JUND: variants seen among roughly 807,000 people sequenced by gnomAD.
JUND encodes JunD proto-oncogene, AP-1 transcription factor subunit, also known as transcription factor JunD.
JUND carries 2 observed loss-of-function variants against 7.1 expected under a neutral mutation model. The ratio of observed to expected loss-of-function variants is 0.28; its 90% CI spans 0.11 to 0.88. The LOEUF (loss-of-function observed/expected upper bound fraction) is 0.88, where lower values mean the gene tolerates loss of function less well. Ranked by LOEUF, JUND falls within the 40% of genes least tolerant of loss-of-function variation. The probability of loss-of-function intolerance (pLI) is 0.60; values close to 1 mark genes in which losing one functional copy is unlikely to be tolerated. For missense variants in JUND, 479 were observed against 519.1 expected, an observed-to-expected ratio of 0.92 and a Z score of 0.75; for synonymous variants, 335 against 263.2, an observed-to-expected ratio of 1.27 and a Z score of -2.64.
At position 18,281,583 on chromosome 19, in the gene JUND, C is replaced by A. The variant is rs1969952752; in HGVS notation, c.-99G>T. 8.7e-6 allele frequency: 3 copies of A among 343,256 alleles called. No homozygotes were observed. The highest frequency in any genetic ancestry group is 1.2e-5 in the Non-Finnish European group (3 of 246,034). 21.3% of individuals were successfully genotyped at this position (343,256 alleles called of 1,614,324 possible). ...CGCTCGGCCCTGCGCCCGCCCCGGCCGCGGCCGCAGCGCCCGGCCCTCCAC... is the reference window on the plus strand; with the variant it reads ...CGCTCGGCCCTGCGCCCGCCCCGGCAGCGGCCGCAGCGCCCGGCCCTCCAC... On this transcript the variant is annotated 5_prime_UTR_variant, in exon 1 of 1. Coordinates refer to ENST00000252818, the MANE Select transcript of JUND (RefSeq NM_005354.6).
rs769148343 is a variant in JUND, at chr19:18,280,453, C to A, written c.1032G>T (p.Val344=). 79 of 1,558,558 alleles carry A rather than the reference C, an allele frequency of 5.1e-5. No homozygotes were observed. The highest frequency in any genetic ancestry group is 2.1e-4 in the Admixed American group (11 of 51,860). ...CCCGCGCGCGGACTCAGTACGCGGGCACCTGGTGCTGGGGCAGCAGCTGGC... is the reference window on the plus strand; with the variant it reads ...CCCGCGCGCGGACTCAGTACGCGGGAACCTGGTGCTGGGGCAGCAGCTGGC... The part of the protein sequence containing the change: ...SGCQLLPQHQ[V]PAY The change falls in exon 1 of 1, where the codon GTG becomes GTT. Residue 344 remains valine (V), a synonymous_variant. Coordinates refer to ENST00000252818, the MANE Select transcript of JUND (RefSeq NM_005354.6). This position sits in a 1 kb window ranked among gnomAD's most constrained non-coding sequence, Gnocchi z 4.1.
rs200632422 is a variant in JUND at position 18,280,059 on chromosome 19, A to AG, written c.*381_*382insC. 1,662 of 242,150 alleles carry AG rather than the reference A, an allele frequency of 6.9e-3. 38 individuals carry two copies. Among genetic ancestry groups the AG allele is most frequent in the African/African-American group, 0.037 (1,556 of 42,008 alleles). The allele number at this position is 242,150 out of a possible 1,614,324, so 15.0% of individuals were successfully genotyped here. ...TGTTCTTCTCTCTTCCAAAGAAAAA[A>AG]AAAAAAAAGTAAAAGTAAAGGAAAG... On this transcript the variant is annotated 3_prime_UTR_variant, in exon 1 of 1. Transcript: ENST00000252818. The surrounding 1 kb of genome is among the most constrained non-coding windows in gnomAD (Gnocchi z 4.1).
In JUND at chr19:18,280,741, G is replaced by A. The variant is rs1203520789; in HGVS notation, c.744C>T (p.Asp248=). The A allele has an allele frequency of 1.9e-6, 3 of 1,607,204 alleles. No individual in the cohort carries two copies. The highest frequency in any genetic ancestry group is 1.3e-5 in the African/African-American group (1 of 74,886). Residue 248 remains aspartate (D), a synonymous_variant, in exon 1 of 1, where the codon GAC becomes GAT. Transcript: ENST00000252818. This position sits in a 1 kb window ranked among gnomAD's most constrained non-coding sequence, Gnocchi z 4.1. ...GCGGGCTCTCGCCGAAGCTCGGCAC[G>A]TCGGGCACCGTCTGTGGCTCGTCCT... ...ALKDEPQTVP[D]VPSFGESPPL...
chr19:18,281,389 G>A lies in JUND; in HGVS notation c.96C>T (p.Phe32=), dbSNP rs1364005267. The change falls in exon 1 of 1, where the codon TTC becomes TTT. Residue 32 remains phenylalanine (F), a synonymous_variant. Coordinates refer to ENST00000252818, the MANE Select transcript of JUND (RefSeq NM_005354.6). ...CCGCGGCCGTCGGGGGCGCCCCGGG[G>A]AACAAGCGGCCCGGGGACGCGAAGC... ...GGSFASPGRL[F]PGAPPTAAAG... The A allele has an allele frequency of 3.0e-6, 4 of 1,347,756 alleles. No homozygotes were observed. Among genetic ancestry groups the A allele is most frequent in the African/African-American group, 1.5e-5 (1 of 64,826 alleles). 83.5% of individuals were successfully genotyped at this position (1,347,756 alleles called of 1,614,324 possible). A position where few individuals can be genotyped will look rare whatever the true frequency, so the allele number is the denominator to read the frequency against.
Position 18,280,277 on chromosome 19 carries a change from G to GCACCCGC in JUND, c.*163_*164insGCGGGTG. 1 of 86,228 alleles carries GCACCCGC rather than the reference G, an allele frequency of 1.2e-5. No individual in the cohort carries two copies. Among genetic ancestry groups the GCACCCGC allele is most frequent in the Non-Finnish European group, 1.8e-5 (1 of 56,518 alleles). 5.3% of individuals were successfully genotyped at this position (86,228 alleles called of 1,614,324 possible). A position where few individuals can be genotyped will look rare whatever the true frequency, so the allele number is the denominator to read the frequency against. ...CTTGTCGAGTCCTGGGCACCCTCGG[G>GCACCCGC]GGGGGGGAATCCCCGGGGGCCGCGC... On this transcript the variant is annotated 3_prime_UTR_variant, in exon 1 of 1. Coordinates refer to ENST00000252818, the MANE Select transcript of JUND (RefSeq NM_005354.6). This position sits in a 1 kb window ranked among gnomAD's most constrained non-coding sequence, Gnocchi z 4.1.
chr19:18,280,256 T>TCGAGTCCGGAGCGCCCCTTC lies in JUND; in HGVS notation c.*184_*185insGAAGGGGCGCTCCGGACTCG. 1 of 539,912 alleles carries TCGAGTCCGGAGCGCCCCTTC rather than the reference T, an allele frequency of 1.9e-6. No individual in the cohort carries two copies. The highest frequency in any genetic ancestry group is 3.2e-6 in the Non-Finnish European group (1 of 311,756). The allele number at this position is 539,912 out of a possible 1,614,324, so 33.4% of individuals were successfully genotyped here. ...CCCCGGGAGCAGGGGGTCCAGCTTGTCGAGTCCTGGGCACCCTCGGGGGGG... is the reference window on the plus strand; with the variant it reads ...CCCCGGGAGCAGGGGGTCCAGCTTGTCGAGTCCGGAGCGCCCCTTCCGAGTCCTGGGCACCCTCGGGGGGG... On this transcript the variant is annotated 3_prime_UTR_variant, in exon 1 of 1. Coordinates refer to ENST00000252818, the MANE Select transcript of JUND (RefSeq NM_005354.6). The surrounding 1 kb of genome is among the most constrained non-coding windows in gnomAD (Gnocchi z 4.1).
Position 18,281,029 on chromosome 19 carries a change from C to A in JUND, c.456G>T (p.Gln152His). 1.4e-6 allele frequency: 2 copies of A among 1,448,556 alleles called. No homozygotes were observed. Among genetic ancestry groups the A allele is most frequent in the Non-Finnish European group, 1.8e-6 (2 of 1,096,528 alleles). The allele number at this position is 1,448,556 out of a possible 1,614,324, so 89.7% of individuals were successfully genotyped here. A position where few individuals can be genotyped will look rare whatever the true frequency, so the allele number is the denominator to read the frequency against. Residue 152 changes from glutamine to histidine, a missense_variant, in exon 1 of 1, where the codon CAG (glutamine) becomes CAT (histidine). Transcript: ENST00000252818. ...CGGCAGCGGCCGCGCCCGCGCCGAGCTGGTTCTGCTTGTGTAAATCCTCCA... is the reference window on the plus strand; with the variant it reads ...CGGCAGCGGCCGCGCCCGCGCCGAGATGGTTCTGCTTGTGTAAATCCTCCA... Reference protein sequence around the residue: ...KALEDLHKQNQLGAGAAAAAA... With the variant: ...KALEDLHKQNHLGAGAAAAAA...
rs779174938 is a variant in JUND at position 18,280,561 on chromosome 19, C to T, written c.924G>A (p.Thr308=). ...EKVKTLKSQN[T]ELASTASLLR... ...GCAGGCTCGCCGTGGACGCCAGCTC[C>T]GTGTTCTGACTCTTGAGGGTCTTCA... is the stretch of plus-strand genomic sequence containing the variant. The change falls in exon 1 of 1, where the codon ACG becomes ACA. Residue 308 remains threonine (T), a synonymous_variant. Coordinates refer to ENST00000252818, the MANE Select transcript of JUND (RefSeq NM_005354.6). The surrounding 1 kb of genome is among the most constrained non-coding windows in gnomAD (Gnocchi z 4.1). 2 of 1,612,796 alleles carry T rather than the reference C, an allele frequency of 1.2e-6. No individual in the cohort carries two copies. Among genetic ancestry groups the T allele is most frequent in the South Asian group, 1.1e-5 (1 of 91,064 alleles).
At position 18,281,096 on chromosome 19, in the gene JUND, G is replaced by C. The variant is rs770851784; in HGVS notation, c.389C>G (p.Ala130Gly). 6.3e-7 allele frequency: 1 copy of C among 1,580,066 alleles called. No individual in the cohort carries two copies. The highest frequency in any genetic ancestry group is 8.6e-7 in the Non-Finnish European group (1 of 1,167,924). Residue 130 changes from alanine to glycine, a missense_variant, in exon 1 of 1, where the codon GCC becomes GGC. Transcript: ENST00000252818. Reference protein sequence around the residue: ...SSQFLYPKVAASEEQEFAEGF... With the variant: ...SSQFLYPKVAGSEEQEFAEGF... ...CTCGGCGAACTCCTGCTCCTCGCTGGCCGCCACCTTGGGGTAGAGGAACTG... is the reference window on the plus strand; with the variant it reads ...CTCGGCGAACTCCTGCTCCTCGCTGCCCGCCACCTTGGGGTAGAGGAACTG...
At position 18,280,336 on chromosome 19, in the gene JUND, G is replaced by GA. The variant is rs1321151468; in HGVS notation, c.*104_*105insT. ...AGTTCCTGGGCACACTCGGGGAGGG[G>GA]GGGTCCCCAGGGCCGCACCCTCTCC... On this transcript the variant is annotated 3_prime_UTR_variant, in exon 1 of 1. Coordinates refer to ENST00000252818, the MANE Select transcript of JUND (RefSeq NM_005354.6). The surrounding 1 kb of genome is among the most constrained non-coding windows in gnomAD (Gnocchi z 4.1). 1.0e-5 allele frequency: 13 copies of GA among 1,273,008 alleles called. No homozygotes were observed. The highest frequency in any genetic ancestry group is 3.2e-6 in the Non-Finnish European group (3 of 946,846). 78.9% of individuals were successfully genotyped at this position (1,273,008 alleles called of 1,614,324 possible). A position where few individuals can be genotyped will look rare whatever the true frequency, so the allele number is the denominator to read the frequency against.
chr19:18,281,560 C>G lies in JUND; in HGVS notation c.-76G>C. 1.7e-6 allele frequency: 1 copy of G among 599,148 alleles called. No individual in the cohort carries two copies. The highest frequency in any genetic ancestry group is 7.2e-5 in the South Asian group (1 of 13,906). The allele number at this position is 599,148 out of a possible 1,614,324, so 37.1% of individuals were successfully genotyped here. A position where few individuals can be genotyped will look rare whatever the true frequency, so the allele number is the denominator to read the frequency against. On this transcript the variant is annotated 5_prime_UTR_variant, in exon 1 of 1. Coordinates refer to ENST00000252818, the MANE Select transcript of JUND (RefSeq NM_005354.6). ...CGGGGGGCCCGCGCCCCCCCGTCCGCTCGGCCCTGCGCCCGCCCCGGCCGC... is the reference window on the plus strand; with the variant it reads ...CGGGGGGCCCGCGCCCCCCCGTCCGGTCGGCCCTGCGCCCGCCCCGGCCGC...
At position 18,281,039 on chromosome 19, in the gene JUND, T is replaced by C. The variant is rs763717843; in HGVS notation, c.446A>G (p.Lys149Arg). 24 of 1,503,552 alleles carry C rather than the reference T, an allele frequency of 1.6e-5. No individual in the cohort carries two copies. The highest frequency in any genetic ancestry group is 4.9e-5 in the South Asian group (4 of 81,354). The allele number at this position is 1,503,552 out of a possible 1,614,324, so 93.1% of individuals were successfully genotyped here. ...CGCGCCCGCGCCGAGCTGGTTCTGC[T>C]TGTGTAAATCCTCCAGGGCCTTGAC... ...GFVKALEDLH[K>R]QNQLGAGAAA... Residue 149 changes from lysine to arginine, a missense_variant, in exon 1 of 1, where the codon AAG (lysine) becomes AGG (arginine). Around this residue, in one of 3 missense-constraint regions of JUND, gnomAD observed 374 missense variants for 365.4 expected, o/e 1.02. Transcript: ENST00000252818.
In JUND at chr19:18,281,317, C is replaced by T; in HGVS notation, c.168G>A (p.Glu56=). ...KKDALTLSLS[E]QVAAALKPAA... is the part of the protein sequence containing the mutation. ...CAGGCTTGAGCGCTGCCGCCACCTG[C>T]TCACTCAGGCTCAGCGTCAGCGCGT... Residue 56 remains glutamate, a synonymous_variant, in exon 1 of 1, where the codon GAG becomes GAA. Transcript: ENST00000252818. The T allele has an allele frequency of 2.2e-6, 3 of 1,369,766 alleles. No individual in the cohort carries two copies. In the East Asian group the frequency reaches 9.3e-5, roughly 42 times the overall value. 84.9% of individuals were successfully genotyped at this position (1,369,766 alleles called of 1,614,324 possible). A position where few individuals can be genotyped will look rare whatever the true frequency, so the allele number is the denominator to read the frequency against.
rs1204355306 is a variant in JUND at position 18,280,804 on chromosome 19, G to GGGT, written c.678_680dup (p.Pro228dup). The GGGT allele has an allele frequency of 1.9e-6, 3 of 1,568,324 alleles. No homozygotes were observed. In the Admixed American group the frequency reaches 5.4e-5, roughly 28 times the overall value. ...GGCGCGGCGGCCCCAACGCGCCTGG[G>GGGT]GGTGGCGGCGGCGGGAAGGGCACAG... On this transcript the variant is annotated inframe_insertion, in exon 1 of 1. Transcript: ENST00000252818. The surrounding 1 kb of genome is among the most constrained non-coding windows in gnomAD (Gnocchi z 4.1).
rs187603542 is a variant in JUND at position 18,281,577 on chromosome 19, C to A, written c.-93G>T. 3,979 of 387,286 alleles carry A rather than the reference C, an allele frequency of 0.01. 29 individuals carry two copies. Among genetic ancestry groups the A allele is most frequent in the East Asian group, 0.047 (286 of 6,072 alleles). 24.0% of individuals were successfully genotyped at this position (387,286 alleles called of 1,614,324 possible). ...CCCGTCCGCTCGGCCCTGCGCCCGC[C>A]CCGGCCGCGGCCGCAGCGCCCGGCC... is the stretch of plus-strand genomic sequence containing the variant. On this transcript the variant is annotated 5_prime_UTR_variant, in exon 1 of 1. Transcript: ENST00000252818.
chr19:18,281,568 TGCGCCCGCCCCGGCCGCGGCCGCA>T lies in JUND; in HGVS notation c.-108_-85del, dbSNP rs1038926896. The T allele has an allele frequency of 1.8e-3, 871 of 482,476 alleles. 14 individuals carry two copies. Among genetic ancestry groups the T allele is most frequent in the Admixed American group, 3.2e-3 (50 of 15,440 alleles). 29.9% of individuals were successfully genotyped at this position (482,476 alleles called of 1,614,324 possible). On this transcript the variant is annotated 5_prime_UTR_variant, in exon 1 of 1. Transcript: ENST00000252818. ...CCGCGCCCCCCCGTCCGCTCGGCCC[TGCGCCCGCCCCGGCCGCGGCCGCA>T]GCGCCCGGCCCTCCACTGGCGGCGG...
Position 18,280,799 on chromosome 19 carries a change from C to A in JUND, c.686G>T (p.Gly229Val). Reference sequence around the variant, plus strand: ...AGCCAGGCGCGGCGGCCCCAACGCGCCTGGGGGTGGCGGCGGCGGGAAGGG... The same window carrying A: ...AGCCAGGCGCGGCGGCCCCAACGCGACTGGGGGTGGCGGCGGCGGGAAGGG... ...PVPFPPPPPP[G>V]ALGPPRLAAL... The change falls in exon 1 of 1, where the codon GGC becomes GTC. Residue 229 changes from glycine to valine, a missense_variant. Gly to Val is a moderately radical substitution (Grantham distance 109). This residue lies in a region of JUND where 374 missense variants were observed against 365.4 expected (regional missense o/e 1.02). Coordinates refer to ENST00000252818, the MANE Select transcript of JUND (RefSeq NM_005354.6). The surrounding 1 kb of genome is among the most constrained non-coding windows in gnomAD (Gnocchi z 4.1). 1 of 1,575,402 alleles carries A rather than the reference C, an allele frequency of 6.3e-7. No individual in the cohort carries two copies. Among genetic ancestry groups the A allele is most frequent in the South Asian group, 1.1e-5 (1 of 88,240 alleles).
chr19:18,280,256 T>TCGAGGCCGGGGCGCCCCTTC lies in JUND; in HGVS notation c.*184_*185insGAAGGGGCGCCCCGGCCTCG, dbSNP rs1969913307. Reference sequence around the variant, plus strand: ...CCCCGGGAGCAGGGGGTCCAGCTTGTCGAGTCCTGGGCACCCTCGGGGGGG... The same window carrying TCGAGGCCGGGGCGCCCCTTC: ...CCCCGGGAGCAGGGGGTCCAGCTTGTCGAGGCCGGGGCGCCCCTTCCGAGTCCTGGGCACCCTCGGGGGGG... On this transcript the variant is annotated 3_prime_UTR_variant, in exon 1 of 1. Transcript: ENST00000252818. This position sits in a 1 kb window ranked among gnomAD's most constrained non-coding sequence, Gnocchi z 4.1. 10 of 539,900 alleles carry TCGAGGCCGGGGCGCCCCTTC rather than the reference T, an allele frequency of 1.9e-5. No individual in the cohort carries two copies. Among genetic ancestry groups the TCGAGGCCGGGGCGCCCCTTC allele is most frequent in the Non-Finnish European group, 2.9e-5 (9 of 311,786 alleles). The allele number at this position is 539,900 out of a possible 1,614,324, so 33.4% of individuals were successfully genotyped here.
rs866143100 is a variant in JUND at position 18,280,649 on chromosome 19, C to G, written c.836G>C (p.Arg279Pro). 1 of 1,612,550 alleles carries G rather than the reference C, an allele frequency of 6.2e-7. No individual in the cohort carries two copies. Among genetic ancestry groups the G allele is most frequent in the Non-Finnish European group, 8.5e-7 (1 of 1,179,706 alleles). ...CTTGCGGCACTTGGAGGCGGCGATGCGGTTGCGCAGCCGCTTGCGCTCCGC... is the reference window on the plus strand; with the variant it reads ...CTTGCGGCACTTGGAGGCGGCGATGGGGTTGCGCAGCCGCTTGCGCTCCGC... ...IKAERKRLRN[R>P]IAASKCRKRK... is the part of the protein sequence containing the mutation. The change falls in exon 1 of 1, where the codon CGC becomes CCC. Residue 279 changes from arginine to proline, a missense_variant. Transcript: ENST00000252818. This position sits in a 1 kb window ranked among gnomAD's most constrained non-coding sequence, Gnocchi z 4.1.
Sources: gnomAD v4.1 joint callset for allele counts on GRCh38, gnomAD v4.1.1 for gene constraint, gnomAD v4.1.1 regional missense constraint, Gnocchi (gnomAD v3.1) non-coding constraint, MANE v1.5 for transcripts, NCBI Gene and HGNC (gene_info 2026-07-23, HGNC 2026-07-21) for gene names.